ATP8A2: variants seen among roughly 807,000 people sequenced by gnomAD.
The protein encoded by ATP8A2 is ATPase phospholipid transporting 8A2.
ATP8A2 carries 100 observed loss-of-function variants against 165.6 expected under a neutral mutation model. The ratio of observed to expected loss-of-function variants is 0.60; its 90% CI spans 0.51 to 0.71. The LOEUF (loss-of-function observed/expected upper bound fraction) is 0.71. ATP8A2 is among the 30% of genes least tolerant of loss of function. The pLI is 0.00. For missense variants in ATP8A2, 1,227 were observed against 1,479.5 expected, an observed-to-expected ratio of 0.83 and a Z score of 2.80; for synonymous variants, 543 against 548.8, an observed-to-expected ratio of 0.99 and a Z score of 0.15.
intron 30 of ATP8A2, among the ~76,000 whole-genome samples, chr13:25,856,666 A>G (rs1260510308): frequency 6.6e-6 from 1 of 152,364 alleles, no homozygotes; most frequent in East Asian, 1.9e-4. Context: ...ACAGAATGTT[A>G]TGCAACCATC....
At chr13:25,422,951 G>C (rs1167612412) in intron 1 of ATP8A2, among the ~76,000 whole-genome samples, 1 of 152,160 alleles carries the variant, frequency 6.6e-6, no homozygotes, top group Non-Finnish European at 1.5e-5. Flanking sequence ...AATAGTTTTT[G>C]TTATCAGGCA....
rs184062885 is a variant in ATP8A2 at position 25,444,080 on chromosome 13, T to C, written c.77-24897T>C. The stretch of plus-strand genomic sequence containing the variant: ...CTAGGTTAGATCTTCTAGATCTCTC[T>C]TGCTCCTTCCCAGACAATCCCCTTC... On this transcript the variant is annotated intron_variant, in intron 1 of 36. Coordinates refer to ENST00000381655, the MANE Select transcript of ATP8A2 (RefSeq NM_016529.6). Among the ~76,000 whole-genome samples the C allele has an allele frequency of 1.9e-3, 289 of 152,358 alleles. 3 individuals carry two copies. The highest frequency in any genetic ancestry group is 6.8e-3 in the African/African-American group (284 of 41,586).
At chr13:25,713,634 C>A (rs907483160) in intron 25 of ATP8A2, among the ~76,000 whole-genome samples, 1 of 152,166 alleles carries the variant, frequency 6.6e-6, no homozygotes, top group African/African-American at 2.4e-5. Context: ...CGATTCTAGT[C>A]AATTCACAAG....
chr13:25,728,528 A>G (rs139216095), intron 25 of ATP8A2, among the ~76,000 whole-genome samples: 9 of 152,316 alleles, frequency 5.9e-5, no homozygotes, highest in Middle Eastern at 3.4e-3. Context: ...TTTCAGTATT[A>G]CTGGGGATAT....
At chr13:25,983,349 G>A (rs747549828) in intron 35 of ATP8A2, among the ~76,000 whole-genome samples, 1 of 152,126 alleles carries the variant, frequency 6.6e-6, no homozygotes, top group South Asian at 2.1e-4. Context: ...TCTGTAATTT[G>A]TTCTCCCAAA....
chr13:25,407,788 A>G (rs543253179), intron 1 of ATP8A2, among the ~76,000 whole-genome samples: 77 of 152,336 alleles, frequency 5.1e-4, no homozygotes, highest in African/African-American at 1.8e-3. Context: ...GGGGAGATCT[A>G]CATGGGTTTC....
Position 25,563,730 on chromosome 13 carries a change from G to A in ATP8A2, c.1398-226G>A, listed in dbSNP as rs144441878. Among the ~76,000 whole-genome samples the A allele has an allele frequency of 1.1e-3, 162 of 152,170 alleles. 1 individual carries two copies. Among genetic ancestry groups the A allele is most frequent in the African/African-American group, 3.8e-3 (158 of 41,530 alleles). ...CTTGTAACTATTGTTCCTTGTAACT[G>A]TTGTTCTTTACAATAACTCGTAAAG... On this transcript the variant is annotated intron_variant, in intron 15 of 36. Transcript: ENST00000381655.
At chr13:25,794,487 C>G (rs1480404344) in intron 27 of ATP8A2, among the ~76,000 whole-genome samples, 1 of 151,990 alleles carries the variant, frequency 6.6e-6, no homozygotes, top group Non-Finnish European at 1.5e-5. Context: ...AAGACAAAAA[C>G]TGTGGGGACC....
At chr13:25,677,578 A>T (rs2042397329) in intron 24 of ATP8A2, among the ~76,000 whole-genome samples, 1 of 152,212 alleles carries the variant, frequency 6.6e-6, no homozygotes, top group African/African-American at 2.4e-5. Flanking sequence ...GAGGTAGTCC[A>T]GGTAGCTCTG....
chr13:25,469,384 C>G (rs1219949895), intron 2 of ATP8A2, among the ~76,000 whole-genome samples: 1 of 152,346 alleles, frequency 6.6e-6, no homozygotes, highest in African/African-American at 2.4e-5. Context: ...AGTTTTCACT[C>G]TAATGTCACC....
chr13:25,616,009 C>T (rs2040813669), intron 24 of ATP8A2, among the ~76,000 whole-genome samples: 1 of 152,130 alleles, frequency 6.6e-6, no homozygotes, highest in African/African-American at 2.4e-5. Context: ...ATATGAGTCT[C>T]CACATGCTGC....
At chr13:25,961,453 T>A (rs1955658281) in intron 33 of ATP8A2, 122 bp from the exon 34 acceptor site, 3 of 773,404 alleles carry the variant, frequency 3.9e-6, no homozygotes, top group Admixed American at 4.3e-5. Context: ...ATGGGTTACC[T>A]CTCATTGCAT....
At chr13:25,895,006 C>T (rs1201055126) in intron 33 of ATP8A2, among the ~76,000 whole-genome samples, 1 of 152,186 alleles carries the variant, frequency 6.6e-6, no homozygotes, top group Non-Finnish European at 1.5e-5. Flanking sequence ...TTCCTCTTTT[C>T]CTAATTGAAT....
chr13:25,710,951 T>C (rs9581436), intron 25 of ATP8A2, among the ~76,000 whole-genome samples: 7,280 of 152,290 alleles, frequency 0.048, 214 homozygotes, highest in Middle Eastern at 0.099. Context: ...TCTTATTTTA[T>C]AGGTTAGCGA....
At chr13:25,830,988 T>C (rs1951448742) in intron 28 of ATP8A2, among the ~76,000 whole-genome samples, 1 of 152,198 alleles carries the variant, frequency 6.6e-6, no homozygotes, top group African/African-American at 2.4e-5. Context: ...GCTCCAATAA[T>C]GCCCTATTTA....
At chr13:25,949,668 C>G (rs1297962204) in intron 33 of ATP8A2, among the ~76,000 whole-genome samples, 1 of 152,212 alleles carries the variant, frequency 6.6e-6, no homozygotes, top group Non-Finnish European at 1.5e-5. Context: ...GCTGGGCATC[C>G]AGGTGCCTCT....
chr13:25,609,568 A>AATATATATATATATTTTTGGATCCAAAT (rs2040621872), intron 24 of ATP8A2, among the ~76,000 whole-genome samples: 1 of 35,428 alleles, frequency 2.8e-5, no homozygotes, highest in African/African-American at 7.2e-5. Context: ...TTTGGATTCA[A>AATATATATATATATTTTTGGATCCAAAT]ATATATATAT....
At chr13:25,876,620 T>C (rs987847615) in intron 33 of ATP8A2, among the ~76,000 whole-genome samples, 2 of 152,170 alleles carry the variant, frequency 1.3e-5, no homozygotes, top group African/African-American at 2.4e-5. Flanking sequence ...TCCTTTAACA[T>C]AGTAACTCGG....
chr13:25,596,347 T>C (rs1323326434), intron 24 of ATP8A2, among the ~76,000 whole-genome samples: 1 of 152,204 alleles, frequency 6.6e-6, no homozygotes, highest in Admixed American at 6.5e-5. Context: ...CAATTTTAAG[T>C]GTACATGGTG....
Sources: gnomAD v4.1 joint callset for allele counts (sites outside exome capture counted in the v4.1 genomes callset) on GRCh38, gnomAD v4.1.1 for gene constraint, MANE v1.5 for transcripts, NCBI Gene and HGNC (gene_info 2026-07-23, HGNC 2026-07-21) for gene names.